Variants in MCC observed in about 807,000 individuals in gnomAD.
The protein encoded by MCC is MCC regulator of Wnt signaling pathway, also known as colorectal mutant cancer protein.
MCC carries 90 observed loss-of-function variants against 116.2 expected under a neutral mutation model. That is an observed-to-expected ratio of 0.77 (90% confidence interval 0.65 to 0.92). MCC has a LOEUF of 0.92. Ranked by LOEUF, MCC falls within the 40% of genes least tolerant of loss-of-function variation. The pLI is 0.00. For missense variants in MCC, 1,516 were observed against 1,312.2 expected, an observed-to-expected ratio of 1.16 and a Z score of -2.40; for synonymous variants, 578 against 510.5, an observed-to-expected ratio of 1.13 and a Z score of -1.78.
intron 3 of MCC, among the ~76,000 whole-genome samples, chr5:113,215,303 T>G (rs879736421): frequency 6.6e-6 from 1 of 152,224 alleles, no homozygotes. Flanking sequence ...AAAGGGAGAT[T>G]AGAATGGAAC....
chr5:113,244,595 C>T (rs1490230747), intron 3 of MCC, among the ~76,000 whole-genome samples: 2 of 152,278 alleles, frequency 1.3e-5, no homozygotes, highest in Non-Finnish European at 2.9e-5. Context: ...TTGAAATTTA[C>T]TTAGCCTGAA....
intron 3 of MCC, among the ~76,000 whole-genome samples, chr5:113,301,955 C>G (rs73781509): frequency 0.028 from 4,231 of 152,206 alleles, 203 homozygotes; most frequent in African/African-American, 0.096. Flanking sequence ...AGACATGATC[C>G]AGTTTACATT....
chr5:113,182,286 C>T (rs1761666788), intron 3 of MCC, among the ~76,000 whole-genome samples: 1 of 152,210 alleles, frequency 6.6e-6, no homozygotes, highest in African/African-American at 2.4e-5. Context: ...GGTATCTGTT[C>T]TTCCATCACT....
At chr5:113,050,611 C>A (rs181983923) in intron 15 of MCC, among the ~76,000 whole-genome samples, 1 of 152,226 alleles carries the variant, frequency 6.6e-6, no homozygotes, top group South Asian at 2.1e-4. Context: ...AGGTGTGCCA[C>A]GCCCAGAGCC....
At chr5:113,470,814 T>C (rs1053705898) in intron 1 of MCC, among the ~76,000 whole-genome samples, 27 of 152,210 alleles carry the variant, frequency 1.8e-4, no homozygotes, top group Non-Finnish European at 3.8e-4. Flanking sequence ...CTTTCAGGTA[T>C]ACCAATCAGA....
intron 1 of MCC, among the ~76,000 whole-genome samples, chr5:113,407,421 C>G (rs958416924): frequency 3.3e-5 from 5 of 152,178 alleles, no homozygotes; most frequent in African/African-American, 1.2e-4. Flanking sequence ...CTGAACCTCT[C>G]TCAGTCTCTA....
At chr5:113,108,715 C>G (rs111724145) in intron 6 of MCC, among the ~76,000 whole-genome samples, 5 of 151,758 alleles carry the variant, frequency 3.3e-5, no homozygotes, top group African/African-American at 1.2e-4. Context: ...AGGCAGAGAG[C>G]TGGCAAGATG....
At chr5:113,350,470 G>A (rs1768241591) in intron 2 of MCC, among the ~76,000 whole-genome samples, 1 of 152,030 alleles carries the variant, frequency 6.6e-6, no homozygotes, top group Admixed American at 6.6e-5. Context: ...AAATTGTGTT[G>A]GGAAAACTGG....
At chr5:113,347,699 CA>C (rs564913706) in intron 2 of MCC, among the ~76,000 whole-genome samples, 220 of 151,878 alleles carry the variant, frequency 1.4e-3, no homozygotes, top group Non-Finnish European at 2.2e-3. Context: ...AAACAAATAA[CA>C]AAATGGCAAG....
intron 3 of MCC, among the ~76,000 whole-genome samples, chr5:113,283,948 G>C (rs993582264): frequency 6.6e-6 from 1 of 152,128 alleles, no homozygotes; most frequent in African/African-American, 2.4e-5. Flanking sequence ...AGACCTTTAT[G>C]ATGATCCACT....
chr5:113,140,813 G>C (rs10519334), intron 5 of MCC, among the ~76,000 whole-genome samples: 92,272 of 152,002 alleles, frequency 0.61, 28,837 homozygotes, highest in East Asian at 0.79. Flanking sequence ...TCTGTAGACC[G>C]TGGGTATGCT....
At chr5:113,367,492 T>C (rs1189397462) in intron 2 of MCC, among the ~76,000 whole-genome samples, 1 of 152,074 alleles carries the variant, frequency 6.6e-6, no homozygotes, top group Non-Finnish European at 1.5e-5. Flanking sequence ...TCATCTGTTT[T>C]CATTCTCTTT....
chr5:113,267,214 C>T (rs546910817), intron 3 of MCC, among the ~76,000 whole-genome samples: 2 of 152,182 alleles, frequency 1.3e-5, no homozygotes, highest in South Asian at 2.1e-4. Flanking sequence ...TAAAGGCTGC[C>T]CTGGAAATCC....
intron 1 of MCC, among the ~76,000 whole-genome samples, chr5:113,387,018 C>T (rs1332905550): frequency 1.3e-5 from 2 of 152,114 alleles, no homozygotes; most frequent in South Asian, 2.1e-4. Context: ...TCAGGCTTCA[C>T]ATCTAACTTG....
intron 1 of MCC, among the ~76,000 whole-genome samples, chr5:113,406,079 G>A (rs1461709743): frequency 6.6e-6 from 1 of 152,078 alleles, no homozygotes; most frequent in African/African-American, 2.4e-5. Flanking sequence ...AAAGTTCACA[G>A]GTTCATCTTA....
intron 13 of MCC, among the ~76,000 whole-genome samples, chr5:113,065,306 GA>G (rs1432469763): frequency 6.6e-6 from 1 of 152,050 alleles, no homozygotes; most frequent in African/African-American, 2.4e-5. Context: ...AGGCATATGG[GA>G]AATCTCTGTG....
chr5:113,247,567 C>T (rs149340016), intron 3 of MCC, among the ~76,000 whole-genome samples: 71 of 152,156 alleles, frequency 4.7e-4, no homozygotes, highest in African/African-American at 1.5e-3. Context: ...TACAAGGCAG[C>T]GTCTTAAGGA....
rs1458681016 is a variant in MCC, at chr5:113,022,261, T to A, written c.*5041A>T. ...TAAAACTAAAGGCATCTGGAAACAT[T>A]TAAAGAATACAAGTGGAGAATCTAA... is the stretch of plus-strand genomic sequence containing the variant. On this transcript the variant is annotated 3_prime_UTR_variant, in exon 19 of 19. Transcript: ENST00000408903. The A allele has an allele frequency of 1.3e-5, 2 of 152,744 alleles. No homozygotes were observed. Among genetic ancestry groups the A allele is most frequent in the East Asian group, 3.9e-4 (2 of 5,188 alleles). The allele number at this position is 152,744 out of a possible 1,614,324, so 9.5% of individuals were successfully genotyped here.
At chr5:113,432,728 G>T (rs1356325469) in intron 1 of MCC, 1 of 151,946 alleles carries the variant, frequency 6.6e-6, no homozygotes, top group African/African-American at 2.4e-5. Context: ...CCATTAATTG[G>T]ATATTAGCAT....
Sources: gnomAD v4.1 joint callset for allele counts (sites outside exome capture counted in the v4.1 genomes callset) on GRCh38, gnomAD v4.1.1 for gene constraint, MANE v1.5 for transcripts, NCBI Gene and HGNC (gene_info 2026-07-23, HGNC 2026-07-21) for gene names.